OR1F1: variants seen among roughly 807,000 people sequenced by gnomAD.
The protein encoded by OR1F1 is olfactory receptor 1F1.
For missense variants in OR1F1, 493 were observed against 376.3 expected (o/e 1.31, Z -2.57); for synonymous variants, 184 against 156.7 (o/e 1.17, Z -1.30).
At chr16:3,191,507 C>T in the OR1F1 span, among the ~76,000 whole-genome samples, 7 of 152,180 alleles carry the variant, frequency 4.6e-5, no homozygotes, top group African/African-American at 1.4e-4. Context: ...GGAAGCCCGG[C>T]TAGCTCAGTC....
At chr16:3,198,289 G>A in the OR1F1 span, among the ~76,000 whole-genome samples, 139 of 152,250 alleles carry the variant, frequency 9.1e-4, no homozygotes, top group African/African-American at 3.2e-3. Context: ...TTCTAATCCG[G>A]AGGCTAGCAG....
chr16:3,194,062 A>G, the OR1F1 span, among the ~76,000 whole-genome samples: 3 of 152,218 alleles, frequency 2.0e-5, no homozygotes, highest in Non-Finnish European at 2.9e-5. Context: ...ATGGAGACAC[A>G]TAAGTAGAAA....
the OR1F1 span, among the ~76,000 whole-genome samples, chr16:3,193,714 C>T: frequency 6.6e-6 from 1 of 152,318 alleles, no homozygotes; most frequent in Non-Finnish European, 1.5e-5. Context: ...CCTCCAGCCT[C>T]AGCCTCCCAA....
At chr16:3,196,275 T>TG in the OR1F1 span, among the ~76,000 whole-genome samples, 2 of 152,238 alleles carry the variant, frequency 1.3e-5, no homozygotes, top group Non-Finnish European at 2.9e-5. Context: ...GGTTGAGACA[T>TG]GGAGTACTCT....
chr16:3,194,711 C>G, the OR1F1 span, among the ~76,000 whole-genome samples: 4 of 152,246 alleles, frequency 2.6e-5, no homozygotes, highest in South Asian at 6.2e-4. Flanking sequence ...CAGGAGAAAA[C>G]AGAGGTCTCT....
chr16:3,195,428 G>A, the OR1F1 span, among the ~76,000 whole-genome samples: 1 of 151,728 alleles, frequency 6.6e-6, no homozygotes, highest in Non-Finnish European at 1.5e-5. Context: ...AGGGCCCGGC[G>A]CGGTGGCTCA....
chr16:3,202,173 G>C (rs1219592290), upstream of OR1F1, among the ~76,000 whole-genome samples: 1 of 152,202 alleles, frequency 6.6e-6, no homozygotes, highest in Non-Finnish European at 1.5e-5. Flanking sequence ...CATTGGTAGA[G>C]GGAAGTTTCA....
chr16:3,190,235 T>TG, the OR1F1 span, among the ~76,000 whole-genome samples: 1 of 152,070 alleles, frequency 6.6e-6, no homozygotes, highest in East Asian at 1.9e-4. Context: ...TGTAGCCTCT[T>TG]GGGGCTCCTC....
At chr16:3,198,867 G>A in the OR1F1 span, among the ~76,000 whole-genome samples, 14 of 151,950 alleles carry the variant, frequency 9.2e-5, no homozygotes, top group African/African-American at 3.4e-4. Flanking sequence ...TGTGATGGGA[G>A]GATCGCTTGA....
chr16:3,195,185 C>T, the OR1F1 span, among the ~76,000 whole-genome samples: 3 of 152,346 alleles, frequency 2.0e-5, no homozygotes, highest in Admixed American at 6.5e-5. Context: ...GCTCTCCCCC[C>T]AACCGTTCCT....
the OR1F1 span, among the ~76,000 whole-genome samples, chr16:3,196,192 C>T: frequency 6.6e-6 from 1 of 152,202 alleles, no homozygotes; most frequent in Admixed American, 6.5e-5. Context: ...GACTCTTAAT[C>T]TCAGGGTCGT....
At chr16:3,196,618 G>C in the OR1F1 span, among the ~76,000 whole-genome samples, 10 of 151,782 alleles carry the variant, frequency 6.6e-5, no homozygotes, top group Non-Finnish European at 1.0e-4. Context: ...GAACTCCTGG[G>C]CTCAAGAGAT....
chr16:3,204,687 A>T, exon 1 of OR1F1: 1 of 1,614,102 alleles, frequency 6.2e-7, no homozygotes, highest in South Asian at 1.1e-5. Flanking sequence ...TGGTTGCTGG[A>T]TTATGGGTGG....
the OR1F1 span, among the ~76,000 whole-genome samples, chr16:3,194,715 G>A: frequency 6.6e-6 from 1 of 152,130 alleles, no homozygotes; most frequent in African/African-American, 2.4e-5. Flanking sequence ...AGAAAACAGA[G>A]GTCTCTTTTG....
chr16:3,199,115 C>CAAAAAAAAAAAAAAA, the OR1F1 span, among the ~76,000 whole-genome samples: 2 of 52,576 alleles, frequency 3.8e-5, no homozygotes, highest in Non-Finnish European at 7.1e-5. Flanking sequence ...CCTGTCTCTA[C>CAAAAAAAAAAAAAAA]AAAAAAAAAA....
the OR1F1 span, among the ~76,000 whole-genome samples, chr16:3,198,949 C>T: frequency 1.5e-3 from 232 of 150,784 alleles, 1 homozygote; most frequent in African/African-American, 5.2e-3. Flanking sequence ...AGAGCAAGAT[C>T]TTGTCACAAA....
the OR1F1 span, among the ~76,000 whole-genome samples, chr16:3,189,577 AGC>A: frequency 2.6e-5 from 4 of 152,170 alleles, no homozygotes; most frequent in Admixed American, 6.5e-5. Flanking sequence ...GGTCCGCCCC[AGC>A]CGCCCCCAGG....
At chr16:3,190,530 C>T in the OR1F1 span, among the ~76,000 whole-genome samples, 1 of 152,178 alleles carries the variant, frequency 6.6e-6, no homozygotes, top group Admixed American at 6.5e-5. Flanking sequence ...GCAGGTTAAT[C>T]ACCTGATGTC....
At chr16:3,202,324 T>C (rs1958143829), upstream of OR1F1, among the ~76,000 whole-genome samples, 2 of 152,164 alleles carry the variant, frequency 1.3e-5, no homozygotes, top group Non-Finnish European at 1.5e-5. Context: ...ATACAGGGTC[T>C]TGATGTTATC....
Sources: allele counts gnomAD v4.1 joint callset (sites outside exome capture counted in the v4.1 genomes callset), GRCh38; gene constraint gnomAD v4.1.1; transcripts MANE v1.5; gene names NCBI Gene and HGNC (gene_info 2026-07-23, HGNC 2026-07-21).